The following FOLH1 variants were observed in gnomAD, a reference collection of about 807,000 sequenced individuals.
FOLH1 encodes the protein folate hydrolase 1, also known as glutamate carboxypeptidase 2.
FOLH1 carries 54 observed loss-of-function variants against 93.9 expected under a neutral mutation model. That is an observed-to-expected ratio of 0.57 (90% CI 0.46 to 0.72). The LOEUF is 0.72. Among genes scored for constraint, FOLH1 ranks in the 30% least tolerant of loss-of-function variants. The pLI is 0.00. For synonymous variants in FOLH1, 249 were observed against 303.6 expected (o/e 0.82, Z 1.87); for missense variants, 571 against 892.5 (o/e 0.64, Z 4.59).
intron 4 of FOLH1, among the ~76,000 whole-genome samples, chr11:49,187,341 C>A (rs1861524708): frequency 1.3e-5 from 2 of 152,106 alleles, no homozygotes; most frequent in Non-Finnish European, 2.9e-5. Context: ...GATCTTCCAA[C>A]CTTTTTTGCT....
intron 2 of FOLH1, 48 bp from the exon 3 acceptor site, chr11:49,200,489 T>A (rs1251424102): frequency 2.5e-6 from 4 of 1,591,120 alleles, no homozygotes; most frequent in Admixed American, 1.8e-5. Flanking sequence ...TTTAATCAAC[T>A]TTTATTCCAA....
chr11:49,166,502 C>G (rs1858429751), intron 12 of FOLH1, among the ~76,000 whole-genome samples: 1 of 152,236 alleles, frequency 6.6e-6, no homozygotes, highest in Non-Finnish European at 1.5e-5. Context: ...ATAGCACCCA[C>G]TACGCTCTTG....
Position 49,185,622 on chromosome 11 carries a change from C to T in FOLH1, c.826+47G>A, listed in dbSNP as rs575987241. On this transcript the variant is annotated intron_variant, in intron 6 of 18. Coordinates refer to ENST00000256999, the MANE Select transcript of FOLH1 (RefSeq NM_004476.3). ...CAAAGGAAATTCTTTAATAAAGTCT[C>T]TTTCAAATGTTAAGTTTCCTATGAT... 1.9e-6 allele frequency: 3 copies of T among 1,608,570 alleles called. No individual in the cohort carries two copies. In the South Asian group the frequency reaches 3.3e-5, roughly 18 times the overall value.
At chr11:49,167,461 T>A (rs989889262) in intron 12 of FOLH1, among the ~76,000 whole-genome samples, 5 of 152,110 alleles carry the variant, frequency 3.3e-5, no homozygotes, top group Non-Finnish European at 5.9e-5. Context: ...GAGAAAAGAA[T>A]AACCAAATGC....
intron 2 of FOLH1, among the ~76,000 whole-genome samples, chr11:49,204,562 A>C (rs1863649642): frequency 6.6e-6 from 1 of 152,192 alleles, no homozygotes; most frequent in Admixed American, 6.5e-5. Context: ...ATTAGAGTGG[A>C]ATAAGCACAA....
At chr11:49,169,543 A>T (rs1485012204) in intron 11 of FOLH1, among the ~76,000 whole-genome samples, 2 of 152,232 alleles carry the variant, frequency 1.3e-5, no homozygotes, top group Non-Finnish European at 2.9e-5. Context: ...ACCATACTGT[A>T]GTTTATCTTT....
chr11:49,195,287 T>G (rs1862497710), intron 3 of FOLH1, among the ~76,000 whole-genome samples: 1 of 152,086 alleles, frequency 6.6e-6, no homozygotes, highest in African/African-American at 2.4e-5. Context: ...ATATTCAGGA[T>G]TTTAAAAAAT....
At chr11:49,172,862 G>T (rs1190333473) in intron 10 of FOLH1, among the ~76,000 whole-genome samples, 2 of 152,172 alleles carry the variant, frequency 1.3e-5, no homozygotes, top group Non-Finnish European at 2.9e-5. Context: ...GCACACCAGG[G>T]CTCAGGATGT....
At chr11:49,203,538 G>A (rs1417995500) in intron 2 of FOLH1, among the ~76,000 whole-genome samples, 1 of 152,184 alleles carries the variant, frequency 6.6e-6, no homozygotes, top group Admixed American at 6.5e-5. Flanking sequence ...ATGGCAAATT[G>A]AAAATCTGGA....
chr11:49,192,704 C>T, intron 4 of FOLH1, 89 bp downstream of exon 4: 3 of 1,017,484 alleles, frequency 2.9e-6, no homozygotes, highest in Non-Finnish European at 4.1e-6. Flanking sequence ...CATTAAAAGT[C>T]CCTTTATGAC....
chr11:49,198,758 GT>G (rs1179366483), intron 3 of FOLH1, among the ~76,000 whole-genome samples: 2 of 150,386 alleles, frequency 1.3e-5, no homozygotes, highest in African/African-American at 2.4e-5. Context: ...ATATTTTAGG[GT>G]TTTTTTAGTT....
At position 49,146,405 on chromosome 11, in the gene FOLH1, CT is replaced by C. The variant is rs1159048093; in HGVS notation, c.*350del. Among the ~76,000 whole-genome samples, 2 of 152,146 alleles carry C rather than the reference CT, an allele frequency of 1.3e-5. No homozygotes were observed. The highest frequency in any genetic ancestry group is 2.9e-5 in the Non-Finnish European group (2 of 68,026). On this transcript the variant is annotated 3_prime_UTR_variant, in exon 19 of 19. Coordinates refer to ENST00000256999, the MANE Select transcript of FOLH1 (RefSeq NM_004476.3). ...TCTTGTGCATATTCCCCAGTGTGCT[CT>C]CTGACATACTGATGTTTTCTTCTGT...
chr11:49,201,902 A>G (rs1275981425), intron 2 of FOLH1, among the ~76,000 whole-genome samples: 2 of 152,222 alleles, frequency 1.3e-5, no homozygotes, highest in East Asian at 3.8e-4. Flanking sequence ...TGCTACTATT[A>G]AGTGAATTTT....
intron 17 of FOLH1, among the ~76,000 whole-genome samples, chr11:49,153,127 C>G (rs190460366): frequency 1.3e-4 from 20 of 152,222 alleles, no homozygotes; most frequent in Admixed American, 1.0e-3. Context: ...ATACACAGAT[C>G]TCTGCCCTCA....
At chr11:49,160,459 T>G (rs79268505) in intron 13 of FOLH1, among the ~76,000 whole-genome samples, 1 of 152,086 alleles carries the variant, frequency 6.6e-6, no homozygotes, top group African/African-American at 2.4e-5. Context: ...TTCTTTTTTT[T>G]TGAGACGGAG....
chr11:49,204,483 A>T (rs571333386), intron 2 of FOLH1, among the ~76,000 whole-genome samples: 1 of 152,310 alleles, frequency 6.6e-6, no homozygotes, highest in Non-Finnish European at 1.5e-5. Context: ...AAGCTGGAAC[A>T]GCAGCTCTGT....
At chr11:49,159,985 C>T (rs1348840901) in intron 13 of FOLH1, among the ~76,000 whole-genome samples, 9 of 151,384 alleles carry the variant, frequency 5.9e-5, no homozygotes, top group Non-Finnish European at 8.8e-5. Context: ...TGCAATTGCG[C>T]GATCTCTGCT....
intron 6 of FOLH1, among the ~76,000 whole-genome samples, chr11:49,184,591 T>A (rs9733992): frequency 1.4e-4 from 21 of 151,982 alleles, no homozygotes; most frequent in Admixed American, 1.3e-3. Context: ...TGTCATTTTT[T>A]AAAAAAGAAA....
chr11:49,207,634 A>C (rs923604602), intron 1 of FOLH1: 5 of 323,178 alleles, frequency 1.5e-5, no homozygotes, highest in African/African-American at 1.1e-4. Flanking sequence ...TATTACCAAT[A>C]ATTTGCAGAT....
Sources: allele counts gnomAD v4.1 joint callset (sites outside exome capture counted in the v4.1 genomes callset), GRCh38; gene constraint gnomAD v4.1.1; transcripts MANE v1.5; gene names NCBI Gene and HGNC (gene_info 2026-07-23, HGNC 2026-07-21).